ATPAF2: variants seen among roughly 807,000 people sequenced by gnomAD.
ATPAF2 encodes ATP synthase mitochondrial F1 complex assembly factor 2.
ATPAF2 carries 30 observed loss-of-function variants against 36.6 expected under a neutral mutation model. The ratio of observed to expected loss-of-function variants is 0.82; its 90% CI spans 0.61 to 1.11. The LOEUF (loss-of-function observed/expected upper bound fraction) is 1.11, where lower values mean the gene tolerates loss of function less well. Among genes scored for constraint, ATPAF2 ranks in the 50% most tolerant of loss-of-function variants. The pLI, the probability that ATPAF2 is intolerant of heterozygous loss-of-function variation, is 0.00. For synonymous variants in ATPAF2, 140 were observed against 152.6 expected, an observed-to-expected ratio of 0.92 and a Z score of 0.61; for missense variants, 321 against 372.3, an observed-to-expected ratio of 0.86 and a Z score of 1.13.
chr17:18,016,026 G>A, downstream of ATPAF2: 1 of 1,609,056 alleles, frequency 6.2e-7, no homozygotes, highest in South Asian at 1.1e-5. Context: ...ACGGTATAAT[G>A]ACACACACTT....
intron 2 of ATPAF2, 26 bp from the exon 3 acceptor site, chr17:18,028,403 C>G (rs1221570639): frequency 1.2e-6 from 2 of 1,612,434 alleles, no homozygotes; most frequent in Non-Finnish European, 1.7e-6. Flanking sequence ...GAAAAACTCT[C>G]AGGGATTTGT....
intron 5 of ATPAF2, 29 bp downstream of exon 5, chr17:18,024,595 A>G (rs758390899): frequency 6.3e-7 from 1 of 1,591,618 alleles, no homozygotes; most frequent in Admixed American, 1.7e-5. Flanking sequence ...GTGCCCAGTC[A>G]GTGCTTTCTG....
In ATPAF2 at chr17:18,026,339, A is replaced by C; in HGVS notation, c.402T>G (p.Phe134Leu). 1 of 1,614,104 alleles carries C rather than the reference A, an allele frequency of 6.2e-7. No homozygotes were observed. The highest frequency in any genetic ancestry group is 1.7e-5 in the Admixed American group (1 of 60,026). Residue 134 changes from phenylalanine (F) to leucine (L), a missense_variant, in exon 4 of 8, where the codon TTT becomes TTG. This residue lies in a region of ATPAF2 where 199 missense variants were observed against 220.6 expected (regional missense o/e 0.90). Coordinates refer to ENST00000474627, the MANE Select transcript of ATPAF2 (RefSeq NM_145691.4). ...KDQLIRAAVK[F>L]LDTDTICYRV... ...ATTACCAGATGGTGTCGGTGTCCAG[A>C]AACTTCACGGCTGCCCGGATCAGCT...
chr17:18,036,332 C>T (rs898185678), intron 1 of ATPAF2, among the ~76,000 whole-genome samples: 11 of 151,908 alleles, frequency 7.2e-5, no homozygotes, highest in Admixed American at 2.6e-4. Context: ...TCCCAGCACT[C>T]TGGAAGGCTG....
rs926892057 is a variant in ATPAF2, at chr17:18,037,479, G to A, written c.133+1402C>T. 3.9e-5 allele frequency among the ~76,000 whole-genome samples: 6 copies of A among 152,252 alleles called. No individual in the cohort carries two copies. The East Asian group carries it at 9.7e-4, about 25-fold the overall frequency. On this transcript the variant is annotated intron_variant, in intron 1 of 7. Transcript: ENST00000474627. ...GACGCCTGTAGTCCCACCTACTTGG[G>A]AGGCTGAGACCACAAAATCGCTTGA...
downstream of ATPAF2, among the ~76,000 whole-genome samples, chr17:18,017,501 G>GCTC (rs1377303961): frequency 6.6e-6 from 1 of 152,262 alleles, no homozygotes; most frequent in Non-Finnish European, 1.5e-5. Flanking sequence ...CACCAAGGCT[G>GCTC]AGGTTAGCCA....
At position 18,026,431 on chromosome 17, in the gene ATPAF2, AAAACC is replaced by A; in HGVS notation, c.325-20_325-16del. On this transcript the variant is annotated splice_polypyrimidine_tract_variant and intron_variant, in intron 3 of 7. Coordinates refer to ENST00000474627, the MANE Select transcript of ATPAF2 (RefSeq NM_145691.4). ...CACAATGTGGTCTGAATCAAAGGCA[AAAACC>A]ACCCTGTCACTGCCTGCGGGGCTCA... 2 of 1,608,206 alleles carry A rather than the reference AAAACC, an allele frequency of 1.2e-6. No homozygotes were observed. The highest frequency in any genetic ancestry group is 1.7e-6 in the Non-Finnish European group (2 of 1,174,574).
chr17:18,023,435 A>C (rs1033919909), intron 5 of ATPAF2, among the ~76,000 whole-genome samples: 2 of 152,254 alleles, frequency 1.3e-5, no homozygotes, highest in African/African-American at 4.8e-5. Context: ...CTCAAGAAAG[A>C]AAAAATAAAA....
At chr17:18,023,795 G>A (rs1472761345) in intron 5 of ATPAF2, among the ~76,000 whole-genome samples, 1 of 152,220 alleles carries the variant, frequency 6.6e-6, no homozygotes, top group South Asian at 2.1e-4. Flanking sequence ...CAAGAAATGT[G>A]CCTTGCAAGC....
intron 4 of ATPAF2, chr17:18,025,423 T>C (rs1230124982): frequency 2.5e-5 from 4 of 157,324 alleles, no homozygotes; most frequent in African/African-American, 9.6e-5. Flanking sequence ...GGAAATCCAC[T>C]GTCTTGTGTA....
chr17:18,016,490 C>A, downstream of ATPAF2: 1 of 1,188,864 alleles, frequency 8.4e-7, no homozygotes, highest in Non-Finnish European at 1.2e-6. Flanking sequence ...TTCCCTCAAA[C>A]TGGATTCAGT....
intron 4 of ATPAF2, chr17:18,025,757 G>A (rs997789673): frequency 1.7e-5 from 3 of 171,626 alleles, no homozygotes; most frequent in Admixed American, 1.1e-4. Context: ...TCGAAAGCAC[G>A]CCTCCAGCCA....
chr17:18,016,249 T>C, downstream of ATPAF2: 3 of 1,585,328 alleles, frequency 1.9e-6, no homozygotes, highest in Non-Finnish European at 2.6e-6. Context: ...CTAGCTGACA[T>C]GGAAATCCTC....
intron 4 of ATPAF2, chr17:18,025,748 C>T (rs1294819086): frequency 4.6e-5 from 8 of 173,564 alleles, no homozygotes; most frequent in South Asian, 4.1e-4. Flanking sequence ...TCACCCCCTT[C>T]GAAAGCACGC....
At chr17:18,034,818 G>A (rs2044682964) in intron 1 of ATPAF2, among the ~76,000 whole-genome samples, 2 of 151,540 alleles carry the variant, frequency 1.3e-5, no homozygotes, top group Admixed American at 6.6e-5. Context: ...CCAAAAGGTA[G>A]AAACGACCCT....
chr17:18,017,707 C>T (rs1157933384), downstream of ATPAF2, among the ~76,000 whole-genome samples: 1 of 152,214 alleles, frequency 6.6e-6, no homozygotes, highest in Non-Finnish European at 1.5e-5. Flanking sequence ...GGGTTGATGC[C>T]ATTACCTTAC....
chr17:18,030,513 GAAA>G (rs747636000), intron 1 of ATPAF2, among the ~76,000 whole-genome samples: 4 of 77,572 alleles, frequency 5.2e-5, no homozygotes, highest in Admixed American at 3.0e-4. Context: ...GTCTCTTGGG[GAAA>G]AAAAAAAAAA....
intron 3 of ATPAF2, 77 bp downstream of exon 3, chr17:18,028,155 C>G (rs760698992): frequency 6.3e-7 from 1 of 1,590,982 alleles, no homozygotes; most frequent in Non-Finnish European, 8.6e-7. Context: ...AGGGCCTTGT[C>G]GGAATTTGGT....
Position 18,028,929 on chromosome 17 carries a change from C to A in ATPAF2, c.134-270G>T, listed in dbSNP as rs186693329. On this transcript the variant is annotated intron_variant, in intron 1 of 7. Transcript: ENST00000474627. ...CCCGCAGCCTGGGGACAAGTCTGAT[C>A]AGGAGCATCTCGGCATGCTCTCCCA... 2.4e-3 allele frequency among the ~76,000 whole-genome samples: 363 copies of A among 152,282 alleles called. 2 individuals are homozygous for A. Among genetic ancestry groups the A allele is most frequent in the African/African-American group, 8.4e-3 (348 of 41,542 alleles).
Sources: gnomAD v4.1 joint callset for allele counts (sites outside exome capture counted in the v4.1 genomes callset) on GRCh38, gnomAD v4.1.1 for gene constraint, gnomAD v4.1.1 regional missense constraint, MANE v1.5 for transcripts, NCBI Gene and HGNC (gene_info 2026-07-23, HGNC 2026-07-21) for gene names.